TMPRSS15: variants seen among roughly 807,000 people sequenced by gnomAD.
TMPRSS15 encodes the protein enteropeptidase.
In TMPRSS15, 128 loss-of-function variants were observed where a neutral mutation model predicts 125.3. That is an observed-to-expected ratio of 1.02 (90% CI 0.89 to 1.18). The LOEUF (loss-of-function observed/expected upper bound fraction) is 1.18, where lower values mean the gene tolerates loss of function less well. TMPRSS15 is among the 50% of genes most tolerant of loss of function. The probability of loss-of-function intolerance (pLI) is 0.00; values close to 1 mark genes in which losing one functional copy is unlikely to be tolerated. For synonymous variants in TMPRSS15, 446 were observed against 423.2 expected, an observed-to-expected ratio of 1.05 and a Z score of -0.66; for missense variants, 1,283 against 1,212.7, an observed-to-expected ratio of 1.06 and a Z score of -0.86.
chr21:18,289,555 T>C (rs6517803), intron 21 of TMPRSS15, among the ~76,000 whole-genome samples: 122,524 of 152,232 alleles, frequency 0.8, 49,559 homozygotes, highest in Non-Finnish European at 0.83. Flanking sequence ...CTGTATTTCT[T>C]ACCATGCCCC....
At chr21:18,291,373 C>A (rs1441014401) in intron 21 of TMPRSS15, among the ~76,000 whole-genome samples, 2 of 152,158 alleles carry the variant, frequency 1.3e-5, no homozygotes, top group African/African-American at 4.8e-5. Context: ...ATAGAGAAAC[C>A]GAACAGGCAC....
chr21:18,347,736 C>T (rs1056187841), intron 10 of TMPRSS15, among the ~76,000 whole-genome samples: 4 of 151,914 alleles, frequency 2.6e-5, no homozygotes, highest in Non-Finnish European at 2.9e-5. Context: ...TTTTCATAAC[C>T]ACATGGGAAT....
rs1225311831 is a variant in TMPRSS15 at position 18,270,134 on chromosome 21, G to A, written c.2905-10C>T. 3.1e-6 allele frequency: 5 copies of A among 1,612,920 alleles called. No homozygotes were observed. The highest frequency in any genetic ancestry group is 1.7e-5 in the Admixed American group (1 of 59,964). ...GTCCTCCTGAATCCCCCTAAAGAGT[G>A]AATTGCAAAACAAAATTGTAGATAT... On this transcript the variant is annotated splice_polypyrimidine_tract_variant and intron_variant, in intron 24 of 24. Transcript: ENST00000284885.
intron 9 of TMPRSS15, 41 bp from the exon 10 acceptor site, chr21:18,353,093 CATA>C: frequency 6.4e-7 from 1 of 1,561,406 alleles, no homozygotes; most frequent in Non-Finnish European, 8.8e-7. Context: ...AAATTTAGTC[CATA>C]ATGTGAGTAG....
rs1256464075 is a variant in TMPRSS15, at chr21:18,399,924, A to G, written c.146-1595T>C. 9.9e-5 allele frequency among the ~76,000 whole-genome samples: 15 copies of G among 152,148 alleles called. 1 individual carries two copies. The highest frequency in any genetic ancestry group is 9.2e-4 in the Admixed American group (14 of 15,270). ...AATGTACAATGTCAGTTGCATTTCT[A>G]TACGCTAAATACATTCAAGCTGAGA... On this transcript the variant is annotated intron_variant, in intron 1 of 24. Coordinates refer to ENST00000284885, the MANE Select transcript of TMPRSS15 (RefSeq NM_002772.3).
chr21:18,305,345 C>T (rs1396813601), intron 18 of TMPRSS15, among the ~76,000 whole-genome samples: 1 of 151,834 alleles, frequency 6.6e-6, no homozygotes, highest in African/African-American at 2.4e-5. Flanking sequence ...CCCGCCACCG[C>T]GCCCGGCTAA....
chr21:18,305,265 T>C (rs1215013147), intron 18 of TMPRSS15, among the ~76,000 whole-genome samples: 1 of 142,822 alleles, frequency 7.0e-6, no homozygotes, highest in Non-Finnish European at 1.5e-5. Flanking sequence ...CTCGGCTCAC[T>C]GCAAGCTCCG....
At chr21:18,289,453 A>G (rs8128177) in intron 21 of TMPRSS15, among the ~76,000 whole-genome samples, 122,103 of 151,802 alleles carry the variant, frequency 0.8, 49,356 homozygotes, top group Non-Finnish European at 0.83. Context: ...CGGAGGTTGC[A>G]GTGAGCCAAG....
intron 7 of TMPRSS15, among the ~76,000 whole-genome samples, chr21:18,364,308 T>A (rs2075706230): frequency 6.6e-6 from 1 of 152,166 alleles, no homozygotes; most frequent in Admixed American, 6.6e-5. Context: ...TTTTTCATAG[T>A]GAATTCTATG....
chr21:18,434,122 G>C (rs1199252058), intron 1 of TMPRSS15, among the ~76,000 whole-genome samples: 1 of 151,834 alleles, frequency 6.6e-6, no homozygotes, highest in African/African-American at 2.4e-5. Flanking sequence ...ATTTTATTTT[G>C]GCTAGTATCA....
intron 1 of TMPRSS15, among the ~76,000 whole-genome samples, chr21:18,475,497 T>C (rs904953205): frequency 8.6e-5 from 13 of 151,964 alleles, no homozygotes; most frequent in African/African-American, 2.9e-4. Flanking sequence ...TAGTCCGAGG[T>C]GGGAGGATCA....
chr21:18,294,585 GACA>G lies in TMPRSS15; in HGVS notation c.2311+15_2311+17del. ...AAACAGAATGCTTGAAGTGGGATAT[GACA>G]ACATATTTACTTACATTTATGGTTA... On this transcript the variant is annotated intron_variant, in intron 20 of 24. Transcript: ENST00000284885. The G allele has an allele frequency of 6.2e-7, 1 of 1,609,138 alleles. No individual in the cohort carries two copies. Among genetic ancestry groups the G allele is most frequent in the Non-Finnish European group, 8.5e-7 (1 of 1,175,492 alleles).
intron 1 of TMPRSS15, among the ~76,000 whole-genome samples, chr21:18,454,540 T>G (rs550062104): frequency 4.6e-5 from 7 of 152,216 alleles, no homozygotes; most frequent in Admixed American, 4.6e-4. Flanking sequence ...TATAATTCAT[T>G]CTGAGTACAA....
chr21:18,402,062 C>CT (rs1365905516), intron 1 of TMPRSS15, among the ~76,000 whole-genome samples: 1 of 152,098 alleles, frequency 6.6e-6, no homozygotes, highest in Non-Finnish European at 1.5e-5. Flanking sequence ...TCCACACTTT[C>CT]TTTCCCTTTA....
In TMPRSS15 at chr21:18,383,809, AAGTC is replaced by A. The variant is rs374545955; in HGVS notation, c.345-35_345-32del. On this transcript the variant is annotated intron_variant, in intron 3 of 24. Transcript: ENST00000284885. ...AAGCAAAAGAGGATATAAGAGGAAA[AAGTC>A]AGCCATCTTCCACTGATTTGTGTTC... is the stretch of plus-strand genomic sequence containing the variant. The A allele has an allele frequency of 5.0e-4, 797 of 1,607,142 alleles. 3 individuals carry two copies. The African/African-American group carries it at 9.6e-3, about 19-fold the overall frequency.
chr21:18,390,055 T>G (rs904671894), intron 3 of TMPRSS15, among the ~76,000 whole-genome samples: 4 of 152,200 alleles, frequency 2.6e-5, no homozygotes, highest in Non-Finnish European at 2.9e-5. Context: ...AGCTCTATTA[T>G]ATCCTCAACA....
At position 18,361,667 on chromosome 21, in the gene TMPRSS15, T is replaced by C. The variant is rs546639695; in HGVS notation, c.774-1804A>G. Reference sequence around the variant, plus strand: ...GTCATTGTTGAGAACTGTTCATTTGTGGCAAGACCTCAGGTTGATCAAACA... The same window carrying C: ...GTCATTGTTGAGAACTGTTCATTTGCGGCAAGACCTCAGGTTGATCAAACA... On this transcript the variant is annotated intron_variant, in intron 7 of 24. Coordinates refer to ENST00000284885, the MANE Select transcript of TMPRSS15 (RefSeq NM_002772.3). Among the ~76,000 whole-genome samples the C allele has an allele frequency of 1.5e-4, 23 of 152,288 alleles. No individual in the cohort carries two copies. In the East Asian group the frequency reaches 3.7e-3, roughly 24 times the overall value.
intron 1 of TMPRSS15, among the ~76,000 whole-genome samples, chr21:18,465,736 A>T (rs1472631869): frequency 6.6e-6 from 1 of 152,188 alleles, no homozygotes; most frequent in Non-Finnish European, 1.5e-5. Flanking sequence ...GGAGAACTAC[A>T]AACCACTGCT....
intron 17 of TMPRSS15, among the ~76,000 whole-genome samples, chr21:18,314,464 G>C (rs745963245): frequency 2.0e-4 from 30 of 152,084 alleles, no homozygotes; most frequent in Non-Finnish European, 4.0e-4. Context: ...TTTTAGTAGA[G>C]ACAGGGTTTC....
Sources: gnomAD v4.1 joint callset for allele counts (sites outside exome capture counted in the v4.1 genomes callset) on GRCh38, gnomAD v4.1.1 for gene constraint, MANE v1.5 for transcripts, NCBI Gene and HGNC (gene_info 2026-07-23, HGNC 2026-07-21) for gene names.